CSNK1G1: variants seen among roughly 807,000 people sequenced by gnomAD.
CSNK1G1 encodes casein kinase I isoform gamma-1.
A neutral mutation model predicts 59.6 loss-of-function variants in CSNK1G1; 22 were observed. The observed-to-expected ratio is 0.37, with a 90% CI of 0.26 to 0.53. The LOEUF (loss-of-function observed/expected upper bound fraction) is 0.53, where lower values mean the gene tolerates loss of function less well. CSNK1G1 is among the 20% of genes least tolerant of loss of function. The probability of loss-of-function intolerance (pLI) is 0.89; values close to 1 mark genes in which losing one functional copy is unlikely to be tolerated. For synonymous variants in CSNK1G1, 179 were observed against 177.1 expected (o/e 1.01, Z -0.08); for missense variants, 384 against 519.5 (o/e 0.74, Z 2.54).
At position 64,352,778 on chromosome 15, in the gene CSNK1G1, G is replaced by C. The variant is rs562072595; in HGVS notation, c.-225+3210C>G. On this transcript the variant is annotated intron_variant, in intron 1 of 11. Transcript: ENST00000303052. ...ACTCTTTATAAAACAAAGAGACATGGGGAAGAAATATATTTGAAAATTTCT... is the reference window on the plus strand; with the variant it reads ...ACTCTTTATAAAACAAAGAGACATGCGGAAGAAATATATTTGAAAATTTCT... Among the ~76,000 whole-genome samples the C allele has an allele frequency of 2.6e-5, 4 of 151,750 alleles. No individual in the cohort carries two copies. In the East Asian group the frequency reaches 7.9e-4, roughly 30 times the overall value.
intron 2 of CSNK1G1, among the ~76,000 whole-genome samples, chr15:64,276,781 T>TA (rs953839350): frequency 8.6e-5 from 13 of 151,606 alleles, no homozygotes; most frequent in African/African-American, 2.4e-4. Context: ...CTGTCTCTAA[T>TA]AAAAAATACA....
chr15:64,262,392 G>A (rs1892742189), intron 2 of CSNK1G1, among the ~76,000 whole-genome samples: 1 of 152,258 alleles, frequency 6.6e-6, no homozygotes, highest in Non-Finnish European at 1.5e-5. Flanking sequence ...CGGATGAACA[G>A]AGGAGAGAAT....
intron 1 of CSNK1G1, among the ~76,000 whole-genome samples, chr15:64,350,490 G>T (rs1182180065): frequency 6.6e-6 from 1 of 151,306 alleles, no homozygotes; most frequent in Admixed American, 6.6e-5. Flanking sequence ...AACAGAGCAA[G>T]ACTCTGTCTC....
intron 2 of CSNK1G1, among the ~76,000 whole-genome samples, chr15:64,273,344 G>A (rs1426899838): frequency 6.6e-6 from 1 of 152,094 alleles, no homozygotes; most frequent in African/African-American, 2.4e-5. Context: ...AAACAGAAGT[G>A]AATGAGGTAA....
intron 11 of CSNK1G1, chr15:64,179,980 C>T (rs540784454): frequency 4.5e-4 from 78 of 174,914 alleles, no homozygotes; most frequent in Middle Eastern, 2.8e-3. Context: ...AATCAGAAAT[C>T]GAATGCTATT....
chr15:64,220,011 A>C (rs2082365734), intron 4 of CSNK1G1, among the ~76,000 whole-genome samples: 1 of 151,508 alleles, frequency 6.6e-6, no homozygotes, highest in Admixed American at 6.6e-5. Flanking sequence ...TGACCTCGTG[A>C]TCTGCCTGCC....
intron 7 of CSNK1G1, 145 bp from the exon 8 acceptor site, chr15:64,205,094 A>G (rs2082159460): frequency 1.8e-6 from 1 of 551,832 alleles, no homozygotes; most frequent in Non-Finnish European, 3.2e-6. Flanking sequence ...CAAATAAGAA[A>G]TGTAGTAGAA....
intron 1 of CSNK1G1, among the ~76,000 whole-genome samples, chr15:64,355,700 C>G (rs1898621982): frequency 6.6e-6 from 1 of 152,106 alleles, no homozygotes; most frequent in Non-Finnish European, 1.5e-5. Context: ...AGTAAGCCCT[C>G]CAGGTGGCAA....
rs139995933 is a variant in CSNK1G1 at position 64,355,821 on chromosome 15, T to G, written c.-225+167A>C. The stretch of plus-strand genomic sequence containing the variant: ...CCCGCTGTGTCCCTCAGCCCCTCCA[T>G]TCCGCCCCCGCAACCCTCCACAGAC... On this transcript the variant is annotated intron_variant, in intron 1 of 11. Coordinates refer to ENST00000303052, the MANE Select transcript of CSNK1G1 (RefSeq NM_022048.5). Among the ~76,000 whole-genome samples the G allele has an allele frequency of 4.7e-4, 71 of 151,910 alleles. 1 individual carries two copies. In the East Asian group the frequency reaches 0.012, roughly 25 times the overall value.
Position 64,171,611 on chromosome 15 carries a change from TAGC to T in CSNK1G1, c.*317_*319del. 2.6e-6 allele frequency: 1 copy of T among 382,692 alleles called. No homozygotes were observed. The highest frequency in any genetic ancestry group is 3.7e-5 in the South Asian group (1 of 27,252). The allele number at this position is 382,692 out of a possible 1,614,324, so 23.7% of individuals were successfully genotyped here. ...AGTAAACTAAGGGGAAGAAGGAGAA[TAGC>T]AGTCCTTGAGTTTTTGTGAATGACA... is the stretch of plus-strand genomic sequence containing the variant. On this transcript the variant is annotated 3_prime_UTR_variant, in exon 12 of 12. Transcript: ENST00000303052. This position sits in a 1 kb window ranked among gnomAD's most constrained non-coding sequence, Gnocchi z 4.8.
At position 64,171,725 on chromosome 15, in the gene CSNK1G1, A is replaced by T. The variant is rs2081667716; in HGVS notation, c.*206T>A. ...GGAACAGCAGCTCTGGGACCTGCTC[A>T]GAGCCTTAGGCAGGCGGAGATGGCC... On this transcript the variant is annotated 3_prime_UTR_variant, in exon 12 of 12. Transcript: ENST00000303052. The surrounding 1 kb of genome is among the most constrained non-coding windows in gnomAD (Gnocchi z 4.8). 1 of 604,350 alleles carries T rather than the reference A, an allele frequency of 1.7e-6. No individual in the cohort carries two copies. The highest frequency in any genetic ancestry group is 2.0e-5 in the South Asian group (1 of 50,940). 37.4% of individuals were successfully genotyped at this position (604,350 alleles called of 1,614,324 possible).
intron 10 of CSNK1G1, among the ~76,000 whole-genome samples, chr15:64,202,322 C>G (rs2082119207): frequency 6.6e-6 from 1 of 152,136 alleles, no homozygotes; most frequent in Non-Finnish European, 1.5e-5. Context: ...CTGGCAAGAG[C>G]TCTAGACCAG....
chr15:64,237,343 A>G (rs1334875593), intron 4 of CSNK1G1, among the ~76,000 whole-genome samples: 1 of 152,190 alleles, frequency 6.6e-6, no homozygotes, highest in African/African-American at 2.4e-5. Context: ...TCTGGCAGAG[A>G]GACCTGAAAA....
At chr15:64,193,386 G>A (rs571207303) in intron 10 of CSNK1G1, among the ~76,000 whole-genome samples, 4 of 151,708 alleles carry the variant, frequency 2.6e-5, no homozygotes, top group Non-Finnish European at 4.4e-5. Flanking sequence ...CCAGCTACTC[G>A]GGAGGCTGAG....
intron 2 of CSNK1G1, among the ~76,000 whole-genome samples, chr15:64,261,304 T>A (rs1892675122): frequency 6.6e-6 from 1 of 152,092 alleles, no homozygotes; most frequent in South Asian, 2.1e-4. Context: ...TACTGTGACT[T>A]AAAACTAGTT....
chr15:64,339,843 T>C (rs1897595988), intron 1 of CSNK1G1, among the ~76,000 whole-genome samples: 1 of 152,226 alleles, frequency 6.6e-6, no homozygotes, highest in Admixed American at 6.5e-5. Flanking sequence ...TTTTCCTCTA[T>C]TAATACCACT....
At chr15:64,211,844 GTCTGTTCTTGTCTTTCCTCTTA>G (rs1374464439) in intron 6 of CSNK1G1, among the ~76,000 whole-genome samples, 1 of 152,172 alleles carries the variant, frequency 6.6e-6, no homozygotes, top group African/African-American at 2.4e-5. Flanking sequence ...CCCATCCCTT[GTCTGTTCTTGTCTTTCCTCTTA>G]AGAACAATAA....
chr15:64,237,889 T>A (rs1801972146), intron 4 of CSNK1G1, among the ~76,000 whole-genome samples: 2 of 152,280 alleles, frequency 1.3e-5, no homozygotes, highest in South Asian at 4.2e-4. Flanking sequence ...ATAACCTCTA[T>A]TAACACTTAC....
intron 1 of CSNK1G1, among the ~76,000 whole-genome samples, chr15:64,332,606 A>T (rs946339197): frequency 2.7e-5 from 4 of 150,372 alleles, no homozygotes; most frequent in Non-Finnish European, 5.9e-5. Context: ...GCGCACCAGC[A>T]TGACACATGT....
Sources: allele counts gnomAD v4.1 joint callset (sites outside exome capture counted in the v4.1 genomes callset), GRCh38; gene constraint gnomAD v4.1.1; non-coding constraint Gnocchi (gnomAD v3.1); transcripts MANE v1.5; gene names NCBI Gene and HGNC (gene_info 2026-07-23, HGNC 2026-07-21).